SEMA3A: variants seen among roughly 807,000 people sequenced by gnomAD.
The protein encoded by SEMA3A is semaphorin 3A.
Under a neutral mutation model 97.9 loss-of-function variants are expected in SEMA3A, and 29 were observed. The observed-to-expected ratio is 0.30, with a 90% CI of 0.22 to 0.40. The LOEUF (loss-of-function observed/expected upper bound fraction) is 0.40, where lower values mean the gene tolerates loss of function less well. Ranked by LOEUF, SEMA3A falls within the 10% of genes least tolerant of loss-of-function variation. The pLI, the probability that SEMA3A is intolerant of heterozygous loss-of-function variation, is 1.00. For synonymous variants in SEMA3A, 321 were observed against 323.7 expected (o/e 0.99, Z 0.09); for missense variants, 763 against 951.3 (o/e 0.80, Z 2.60).
At position 84,390,331 on chromosome 7, in the gene SEMA3A, CAAG is replaced by C. The variant is rs568568971; in HGVS notation, c.-245-18434_-245-18432del. ...TTTAATTGAAAAAGCTTGTGATATT[CAAG>C]AATTATTATTATTATTATTATTATT... On this transcript the variant is annotated intron_variant, in intron 1 of 3. Transcript: ENST00000424555. Among the ~76,000 whole-genome samples, 83 of 84,426 alleles carry C rather than the reference CAAG, an allele frequency of 9.8e-4. 1 individual carries two copies. The South Asian group carries it at 0.035, about 36-fold the overall frequency. The allele number at this position is 84,426 out of a possible 152,430, so 55.4% of individuals were successfully genotyped here.
chr7:84,370,479 A>C (rs190428447), intron 2 of SEMA3A, among the ~76,000 whole-genome samples: 2 of 151,844 alleles, frequency 1.3e-5, no homozygotes, highest in Admixed American at 1.3e-4. Context: ...AATAATTTAT[A>C]ATTTCGTGTA....
intron 1 of SEMA3A, among the ~76,000 whole-genome samples, chr7:84,375,823 C>A (rs1344243604): frequency 6.6e-6 from 1 of 152,058 alleles, no homozygotes; most frequent in African/African-American, 2.4e-5. Flanking sequence ...TACCTGCTAA[C>A]CTGTCTCTTC....
At chr7:83,980,623 A>ATATATATATATAT (rs1554383377) in intron 14 of SEMA3A, among the ~76,000 whole-genome samples, 27 of 71,756 alleles carry the variant, frequency 3.8e-4, no homozygotes, top group African/African-American at 2.0e-3. Flanking sequence ...AAAAAAAAAA[A>ATATATATATATAT]ATATATATAT....
At chr7:84,386,104 G>A (rs1803387837) in intron 1 of SEMA3A, among the ~76,000 whole-genome samples, 1 of 152,116 alleles carries the variant, frequency 6.6e-6, no homozygotes, top group East Asian at 1.9e-4. Flanking sequence ...CTCTCTGTTT[G>A]CTCACTGTGG....
intron 1 of SEMA3A, among the ~76,000 whole-genome samples, chr7:84,143,110 A>G (rs912836293): frequency 3.3e-5 from 5 of 152,174 alleles, no homozygotes; most frequent in African/African-American, 1.2e-4. Flanking sequence ...CCTGGATTAC[A>G]GTAATCATCT....
chr7:84,301,396 G>T (rs1801013980), intron 3 of SEMA3A, among the ~76,000 whole-genome samples: 1 of 152,014 alleles, frequency 6.6e-6, no homozygotes, highest in Admixed American at 6.6e-5. Flanking sequence ...CAATAATAAG[G>T]CCAGAAAGCC....
chr7:84,478,157 A>G (rs1366162125), intron 1 of SEMA3A, among the ~76,000 whole-genome samples: 1 of 152,190 alleles, frequency 6.6e-6, no homozygotes, highest in Non-Finnish European at 1.5e-5. Context: ...TTCTAGTGTC[A>G]GTTCCCTGCG....
At chr7:84,318,826 T>C (rs1263169324) in intron 2 of SEMA3A, among the ~76,000 whole-genome samples, 1 of 152,188 alleles carries the variant, frequency 6.6e-6, no homozygotes, top group African/African-American at 2.4e-5. Context: ...GCTCAATGTA[T>C]TTATGTAAAT....
At chr7:83,975,213 ACT>A (rs1323460939) in intron 15 of SEMA3A, among the ~76,000 whole-genome samples, 7 of 152,098 alleles carry the variant, frequency 4.6e-5, no homozygotes, top group Admixed American at 3.9e-4. Flanking sequence ...TACACTCATA[ACT>A]CTAGCATGAA....
At chr7:84,102,959 T>G (rs1241600129) in intron 4 of SEMA3A, among the ~76,000 whole-genome samples, 4 of 151,354 alleles carry the variant, frequency 2.6e-5, no homozygotes, top group Non-Finnish European at 5.9e-5. Context: ...TGTATGGGGG[T>G]TTTTTTTGAC....
rs542926854 is a variant in SEMA3A, at chr7:84,443,496, T to C, written c.-246+48964A>G. Among the ~76,000 whole-genome samples the C allele has an allele frequency of 2.6e-5, 4 of 152,232 alleles. No homozygotes were observed. The South Asian group carries it at 6.2e-4, about 24-fold the overall frequency. Reference sequence around the variant, plus strand: ...TAATGGAAAAAAGATCAATGCCCTTTACAGAGTTTTTGAGAGTAGGAAACA... The same window carrying C: ...TAATGGAAAAAAGATCAATGCCCTTCACAGAGTTTTTGAGAGTAGGAAACA... On this transcript the variant is annotated intron_variant, in intron 1 of 3. Transcript: ENST00000424555.
chr7:84,347,436 C>G (rs2116010281), intron 2 of SEMA3A, among the ~76,000 whole-genome samples: 1 of 138,692 alleles, frequency 7.2e-6, no homozygotes, highest in Non-Finnish European at 1.5e-5. Flanking sequence ...TGTGACGAGA[C>G]AGAGTCTGGT....
At chr7:84,051,661 G>C (rs1792661423) in intron 5 of SEMA3A, among the ~76,000 whole-genome samples, 1 of 152,114 alleles carries the variant, frequency 6.6e-6, no homozygotes, top group Non-Finnish European at 1.5e-5. Flanking sequence ...TGCAAACAGG[G>C]ACAATTTGAC....
chr7:84,349,682 T>G (rs893262399), intron 2 of SEMA3A, among the ~76,000 whole-genome samples: 2 of 152,202 alleles, frequency 1.3e-5, no homozygotes, highest in Admixed American at 6.5e-5. Context: ...ACCAAAACAG[T>G]ACGCTCTCTG....
intron 1 of SEMA3A, among the ~76,000 whole-genome samples, chr7:84,186,907 T>G (rs1214792304): frequency 6.6e-6 from 1 of 152,154 alleles, no homozygotes; most frequent in Non-Finnish European, 1.5e-5. Context: ...ATTCAACATA[T>G]ATTTTTCATG....
rs145177269 is a variant in SEMA3A, at chr7:84,264,490, G to A, written c.-83+42717C>T. On this transcript the variant is annotated intron_variant, in intron 3 of 3. Coordinates refer to the SEMA3A transcript ENST00000424555. ...CTGCTGTAACAGCAATAAATTCAGG[G>A]ATACCAGATATATTAAGATAACATA... Among the ~76,000 whole-genome samples the A allele has an allele frequency of 4.3e-3, 659 of 152,186 alleles. 2 individuals carry two copies. Among genetic ancestry groups the A allele is most frequent in the Non-Finnish European group, 7.0e-3 (473 of 68,010 alleles).
chr7:84,247,917 T>G (rs1039902284), intron 3 of SEMA3A, among the ~76,000 whole-genome samples: 14 of 152,354 alleles, frequency 9.2e-5, no homozygotes, highest in Admixed American at 2.6e-4. Flanking sequence ...CCTTTAAGCA[T>G]GATTTACCTT....
chr7:84,157,113 G>A (rs1173161616), intron 1 of SEMA3A, among the ~76,000 whole-genome samples: 2 of 152,112 alleles, frequency 1.3e-5, no homozygotes, highest in African/African-American at 2.4e-5. Flanking sequence ...ATATATGCAC[G>A]AGTAAAAATG....
chr7:84,447,113 C>G (rs991966440), intron 1 of SEMA3A, among the ~76,000 whole-genome samples: 4 of 152,208 alleles, frequency 2.6e-5, no homozygotes, highest in Non-Finnish European at 1.5e-5. Context: ...CCATCACGAC[C>G]TGGCCAGGTG....
Sources: gnomAD v4.1 joint callset for allele counts (sites outside exome capture counted in the v4.1 genomes callset) on GRCh38, gnomAD v4.1.1 for gene constraint, MANE v1.5 for transcripts, NCBI Gene and HGNC (gene_info 2026-07-23, HGNC 2026-07-21) for gene names.